RAD17: variants seen among roughly 807,000 people sequenced by gnomAD.
The protein encoded by RAD17 is RAD17 checkpoint clamp loader component, also known as cell cycle checkpoint protein RAD17.
A neutral mutation model predicts 81.5 loss-of-function variants in RAD17; 31 were observed. The ratio of observed to expected loss-of-function variants is 0.38; its 90% CI spans 0.29 to 0.51. The LOEUF is 0.51. Ranked by LOEUF, RAD17 falls within the 20% of genes least tolerant of loss-of-function variation. RAD17 has a pLI of 0.88. For missense variants in RAD17, 681 were observed against 781.2 expected, an observed-to-expected ratio of 0.87 and a Z score of 1.53; for synonymous variants, 261 against 266.2, an observed-to-expected ratio of 0.98 and a Z score of 0.19.
chr5:69,402,987 CTAA>C (rs1765368939), intron 17 of RAD17, among the ~76,000 whole-genome samples: 1 of 152,088 alleles, frequency 6.6e-6, no homozygotes, highest in Non-Finnish European at 1.5e-5. Context: ...TCCAATTGTC[CTAA>C]TAATATCCTT....
At position 69,394,875 on chromosome 5, in the gene RAD17, A is replaced by T. The variant is rs191901047; in HGVS notation, c.1422+1375A>T. On this transcript the variant is annotated intron_variant, in intron 15 of 18. Transcript: ENST00000354868. ...CATGAGTATGAGACCAGCTGGGGCA[A>T]TGTGATGAAACCCCATCTCTACAAA... 1.2e-3 allele frequency among the ~76,000 whole-genome samples: 187 copies of T among 152,258 alleles called. 1 individual carries two copies. Among genetic ancestry groups the T allele is most frequent in the African/African-American group, 4.2e-3 (174 of 41,546 alleles).
chr5:69,386,049 C>G lies in RAD17; in HGVS notation c.652C>G (p.Pro218Ala). Residue 218 changes from proline (P) to alanine (A), a missense_variant, in exon 9 of 19, where the codon CCT becomes GCT. Physicochemically the swap from Pro to Ala is conservative, Grantham distance 27. Transcript: ENST00000354868. The stretch of plus-strand genomic sequence containing the variant: ...TATTTTTTATTTTCAATAGGATTTA[C>G]CTAACCAGTTTTATCGGGATTCTCA... ...DKKIILVEDL[P>A]NQFYRDSHTL... is the part of the protein sequence containing the mutation. 6.3e-7 allele frequency: 1 copy of G among 1,588,148 alleles called. No individual in the cohort carries two copies.
At position 69,411,980 on chromosome 5, in the gene RAD17, G is replaced by A. The variant is rs115529314; in HGVS notation, c.1751+1430G>A. ...TTTCTTTTCTTTTTTTTTTGTAGAC[G>A]GAGTCTAGCTTTATCGCCCAGGCTG... is the stretch of plus-strand genomic sequence containing the variant. On this transcript the variant is annotated intron_variant, in intron 18 of 18. Transcript: ENST00000354868. Among the ~76,000 whole-genome samples the A allele has an allele frequency of 2.2e-3, 340 of 151,144 alleles. 3 individuals carry two copies. Among genetic ancestry groups the A allele is most frequent in the Middle Eastern group, 0.017 (5 of 292 alleles).
intron 17 of RAD17, among the ~76,000 whole-genome samples, chr5:69,403,509 T>A (rs543776828): frequency 3.3e-5 from 5 of 152,354 alleles, no homozygotes; most frequent in African/African-American, 1.2e-4. Flanking sequence ...CACAACATTT[T>A]AAACACTTTA....
intron 4 of RAD17, 134 bp from the exon 5 acceptor site, chr5:69,373,696 T>C: frequency 2.0e-6 from 1 of 512,456 alleles, no homozygotes; most frequent in Non-Finnish European, 2.8e-6. Flanking sequence ...ATTTTTTTTT[T>C]TTTTTTTTTT....
chr5:69,403,881 A>C (rs1424347804), intron 17 of RAD17, among the ~76,000 whole-genome samples: 1 of 152,202 alleles, frequency 6.6e-6, no homozygotes, highest in Non-Finnish European at 1.5e-5. Flanking sequence ...TGATCACCCC[A>C]CTGCACTCTA....
intron 8 of RAD17, 57 bp from the exon 9 acceptor site, chr5:69,385,986 A>G (rs1441637113): frequency 1.4e-6 from 2 of 1,401,908 alleles, no homozygotes; most frequent in East Asian, 2.6e-5. Flanking sequence ...ATAAATTTGA[A>G]AAATAAATTT....
rs1762937471 is a variant in RAD17, at chr5:69,371,023, C to T, written c.-416-12C>T. The T allele has an allele frequency of 3.9e-6, 1 of 258,292 alleles. No individual in the cohort carries two copies. Among genetic ancestry groups the T allele is most frequent in the Non-Finnish European group, 8.1e-6 (1 of 123,724 alleles). 16.0% of individuals were successfully genotyped at this position (258,292 alleles called of 1,614,324 possible). A position where few individuals can be genotyped will look rare whatever the true frequency, so the allele number is the denominator to read the frequency against. ...AATTTTACAGTTTAAGACTTAAATTCTTCGTCCACAGCAAGTGAATTCATG... is the reference window on the plus strand; with the variant it reads ...AATTTTACAGTTTAAGACTTAAATTTTTCGTCCACAGCAAGTGAATTCATG... On this transcript the variant is annotated splice_polypyrimidine_tract_variant and intron_variant, in intron 1 of 18. Transcript: ENST00000354868.
intron 13 of RAD17, chr5:69,392,817 A>C: frequency 2.1e-6 from 1 of 467,256 alleles, no homozygotes; most frequent in South Asian, 1.6e-5. Flanking sequence ...ATCTTCCTAC[A>C]TAGTAAATAA....
chr5:69,394,449 G>A (rs1281127890), intron 15 of RAD17, among the ~76,000 whole-genome samples: 1 of 152,060 alleles, frequency 6.6e-6, no homozygotes, highest in Non-Finnish European at 1.5e-5. Flanking sequence ...AACTGTACAT[G>A]TTGCTACACT....
Position 69,391,844 on chromosome 5 carries a change from A to C in RAD17, c.1020A>C (p.Leu340Phe). 6.5e-7 allele frequency: 1 copy of C among 1,547,902 alleles called. No individual in the cohort carries two copies. The highest frequency in any genetic ancestry group is 8.7e-7 in the Non-Finnish European group (1 of 1,154,430). ...TATATTATTCAGGAGAAAACAACTT[A>C]CGGCCAAGGAAAAAAGGAATGTCTT... Reference protein sequence around the residue: ...QFSSSKGENNLRPRKKGMSLK... With the variant: ...QFSSSKGENNFRPRKKGMSLK... Residue 340 changes from leucine (L) to phenylalanine (F), a missense_variant, in exon 13 of 19, where the codon TTA becomes TTC. Transcript: ENST00000354868.
chr5:69,369,632 G>A (rs774322909), upstream of RAD17: 11 of 1,566,812 alleles, frequency 7.0e-6, no homozygotes, highest in African/African-American at 1.4e-4. Flanking sequence ...CTGCCCCGGC[G>A]GCCCAGCCGC....
At chr5:69,370,490 CCA>C (rs1762881003) in intron 1 of RAD17, among the ~76,000 whole-genome samples, 1 of 152,166 alleles carries the variant, frequency 6.6e-6, no homozygotes, top group South Asian at 2.1e-4. Flanking sequence ...CAGGCGCCCA[CCA>C]CCACGCCCGG....
At position 69,393,290 on chromosome 5, in the gene RAD17, G is replaced by C. The variant is rs553807237; in HGVS notation, c.1275+50G>C. The C allele has an allele frequency of 1.9e-6, 3 of 1,563,780 alleles. 1 individual carries two copies. In the South Asian group the frequency reaches 3.4e-5, roughly 18 times the overall value. On this transcript the variant is annotated intron_variant, in intron 14 of 18. Coordinates refer to ENST00000354868, the MANE Select transcript of RAD17 (RefSeq NM_133338.3). ...ATAGGTTACAAAGGATATATTATTC[G>C]TGTGCATATATATTTGACCATTGCA...
rs1764229966 is a variant in RAD17, at chr5:69,386,611, T to C, written c.894+146T>C. On this transcript the variant is annotated intron_variant, in intron 11 of 18. Transcript: ENST00000354868. ...ATAAGGCATGTCATTTTAGCAAATGTAGGAAATACTGATTTTAAAAATCTT... is the reference window on the plus strand; with the variant it reads ...ATAAGGCATGTCATTTTAGCAAATGCAGGAAATACTGATTTTAAAAATCTT... 5.8e-6 allele frequency: 6 copies of C among 1,027,872 alleles called. No homozygotes were observed. In the East Asian group the frequency reaches 1.9e-4, roughly 33 times the overall value. The allele number at this position is 1,027,872 out of a possible 1,614,324, so 63.7% of individuals were successfully genotyped here. A position where few individuals can be genotyped will look rare whatever the true frequency, so the allele number is the denominator to read the frequency against.
At chr5:69,405,801 G>A (rs1765564285) in intron 17 of RAD17, among the ~76,000 whole-genome samples, 1 of 152,102 alleles carries the variant, frequency 6.6e-6, no homozygotes, top group Non-Finnish European at 1.5e-5. Context: ...CAGCACTTTG[G>A]GAGGCGAGGC....
At chr5:69,377,529 G>A (rs371395377) in intron 6 of RAD17, among the ~76,000 whole-genome samples, 1,608 of 12,838 alleles carry the variant, frequency 0.13, 309 homozygotes, top group Middle Eastern at 0.29. Flanking sequence ...ATATATATGT[G>A]TATATATACG....
chr5:69,410,572 C>T (rs1392791203), intron 18 of RAD17, 22 bp downstream of exon 18: 18 of 1,604,604 alleles, frequency 1.1e-5, no homozygotes, highest in Non-Finnish European at 1.5e-5. Context: ...ATCTCAATTT[C>T]CAAAAAGCTG....
At position 69,384,852 on chromosome 5, in the gene RAD17, TC is replaced by T; in HGVS notation, c.565del (p.Leu189TyrfsTer2). ...QSQIAVFKEFLLRATKYNKLQ... is the reference protein window; with the variant it reads ...QSQIAVFKEFXLRATKYNKLQ... ...CTCAGATAGCAGTTTTCAAAGAGTT[TC>T]TACTAAGAGCGACAAAGTATAACAA... On this transcript the variant is annotated frameshift_variant, in exon 8 of 19. Coordinates refer to ENST00000354868, the MANE Select transcript of RAD17 (RefSeq NM_133338.3). LOFTEE classifies it high-confidence loss of function. 1 of 1,612,874 alleles carries T rather than the reference TC, an allele frequency of 6.2e-7. No homozygotes were observed. Among genetic ancestry groups the T allele is most frequent in the Non-Finnish European group, 8.5e-7 (1 of 1,178,988 alleles).
Sources: gnomAD v4.1 joint callset for allele counts (sites outside exome capture counted in the v4.1 genomes callset) on GRCh38, gnomAD v4.1.1 for gene constraint, MANE v1.5 for transcripts, NCBI Gene and HGNC (gene_info 2026-07-23, HGNC 2026-07-21) for gene names.